BNIP1: variants seen among roughly 807,000 people sequenced by gnomAD.
The protein encoded by BNIP1 is BCL2 interacting protein 1, also known as vesicle transport protein SEC20.
BNIP1 carries 25 observed loss-of-function variants against 28.5 expected under a neutral mutation model. The observed-to-expected ratio is 0.88, with a 90% CI of 0.64 to 1.23. The LOEUF (loss-of-function observed/expected upper bound fraction) is 1.23. Ranked by LOEUF, BNIP1 falls within the 50% of genes most tolerant of loss-of-function variation. The pLI is 0.00. For missense variants in BNIP1, 276 were observed against 277.0 expected (o/e 1.00, Z 0.02); for synonymous variants, 118 against 101.7 (o/e 1.16, Z -0.96).
intron 2 of BNIP1, among the ~76,000 whole-genome samples, chr5:173,149,358 G>A (rs1005595842): frequency 6.6e-6 from 1 of 152,144 alleles, no homozygotes; most frequent in Non-Finnish European, 1.5e-5. Context: ...AGCTTGTGCA[G>A]GGAAACTCCT....
intron 2 of BNIP1, among the ~76,000 whole-genome samples, chr5:173,150,129 G>A (rs1257815191): frequency 1.3e-5 from 2 of 152,020 alleles, no homozygotes; most frequent in Admixed American, 6.6e-5. Flanking sequence ...ATGGTGACCC[G>A]TGCCTGTAAT....
In BNIP1 at chr5:173,146,613, T is replaced by G. The variant is rs370088647; in HGVS notation, c.85-253T>G. ...TAATGTTTTGTTAAAATTTAGGCAC[T>G]AAAAATTAGGTCAAAGCAGTTGTGT... is the stretch of plus-strand genomic sequence containing the variant. On this transcript the variant is annotated intron_variant, in intron 1 of 5. Coordinates refer to ENST00000351486, the MANE Select transcript of BNIP1 (RefSeq NM_001205.3). Among the ~76,000 whole-genome samples the G allele has an allele frequency of 3.9e-5, 6 of 152,344 alleles. No individual in the cohort carries two copies. The East Asian group carries it at 7.7e-4, about 20-fold the overall frequency.
At chr5:173,161,942 A>G (rs1264838636) in intron 5 of BNIP1, 1 of 152,210 alleles carries the variant, frequency 6.6e-6, no homozygotes, top group East Asian at 1.9e-4. Context: ...AGGCGTGGAG[A>G]AAGCAGGCGG....
At chr5:173,160,239 C>CTTTT (rs10693152) in intron 5 of BNIP1, among the ~76,000 whole-genome samples, 188 bp downstream of exon 5, 126 of 145,748 alleles carry the variant, frequency 8.6e-4, no homozygotes, top group Admixed American at 1.4e-3. Context: ...TCCTATTTCT[C>CTTTT]TTTTTTTTTT....
chr5:173,157,024 TG>T lies in BNIP1; in HGVS notation c.270-1717del, dbSNP rs1275592188. Among the ~76,000 whole-genome samples, 3 of 152,230 alleles carry T rather than the reference TG, an allele frequency of 2.0e-5. No homozygotes were observed. The East Asian group carries it at 5.8e-4, about 29-fold the overall frequency. ...AGTTGAAGCAGTAGTTGTGCTTGCT[TG>T]GGTCATCATGCTTGTCACACCATAC... On this transcript the variant is annotated intron_variant, in intron 3 of 5. Transcript: ENST00000351486.
intron 3 of BNIP1, among the ~76,000 whole-genome samples, chr5:173,154,816 C>T (rs1760135148): frequency 6.6e-6 from 1 of 152,100 alleles, no homozygotes; most frequent in Admixed American, 6.6e-5. Context: ...GCAACCACGC[C>T]CAGCCAATTG....
intron 2 of BNIP1, among the ~76,000 whole-genome samples, chr5:173,153,351 C>T (rs957217270): frequency 6.6e-6 from 1 of 151,948 alleles, no homozygotes; most frequent in Non-Finnish European, 1.5e-5. Context: ...CCTCAGCCTC[C>T]TGAGTAGCTG....
intron 3 of BNIP1, among the ~76,000 whole-genome samples, chr5:173,156,046 T>C (rs1275522214): frequency 6.6e-6 from 1 of 152,192 alleles, no homozygotes; most frequent in Non-Finnish European, 1.5e-5. Flanking sequence ...TATGTAACAG[T>C]CAGCTGTCAG....
intron 5 of BNIP1, chr5:173,160,827 C>T (rs2113861076): frequency 2.2e-6 from 1 of 456,218 alleles, no homozygotes; most frequent in South Asian, 1.5e-5. Context: ...CTATGAGTTC[C>T]TTTTAAAAGA....
chr5:173,154,470 G>T, intron 3 of BNIP1, 57 bp downstream of exon 3: 1 of 1,410,176 alleles, frequency 7.1e-7, no homozygotes, highest in Non-Finnish European at 9.9e-7. Context: ...TTGCCTGTGA[G>T]CCTTGCACGT....
chr5:173,163,142 C>G (rs1760410064), intron 5 of BNIP1, among the ~76,000 whole-genome samples: 1 of 152,166 alleles, frequency 6.6e-6, no homozygotes, highest in Non-Finnish European at 1.5e-5. Flanking sequence ...ACAGTGATTC[C>G]TTAAGGGACG....
intron 2 of BNIP1, among the ~76,000 whole-genome samples, chr5:173,151,125 G>A (rs376488485): frequency 1.6e-4 from 24 of 150,914 alleles, no homozygotes; most frequent in South Asian, 4.2e-4. Flanking sequence ...GTGAGCCACC[G>A]CGCCCGGTCA....
At chr5:173,157,767 C>T (rs1161270736) in intron 3 of BNIP1, among the ~76,000 whole-genome samples, 1 of 152,138 alleles carries the variant, frequency 6.6e-6, no homozygotes, top group Non-Finnish European at 1.5e-5. Context: ...CCGTTATCAC[C>T]CACAAGTTAG....
chr5:173,161,595 G>C (rs192142948), intron 5 of BNIP1: 4 of 152,338 alleles, frequency 2.6e-5, no homozygotes, highest in Non-Finnish European at 5.9e-5. Context: ...TTGAAGAAAA[G>C]AGAAGAATAC....
In BNIP1 at chr5:173,160,239, C is replaced by CTT. The variant is rs10693152; in HGVS notation, c.490+199_490+200dup. Among the ~76,000 whole-genome samples the CTT allele has an allele frequency of 5.5e-4, 80 of 145,714 alleles. 2 individuals are homozygous for CTT. Among genetic ancestry groups the CTT allele is most frequent in the Non-Finnish European group, 6.0e-4 (40 of 66,306 alleles). On this transcript the variant is annotated intron_variant, in intron 5 of 5. Transcript: ENST00000351486. ...TGTGGGATGTGCTGCTCCTATTTCT[C>CTT]TTTTTTTTTTTTGAGATGGAGTTTC...
chr5:173,158,056 A>G (rs1760254726), intron 3 of BNIP1, among the ~76,000 whole-genome samples: 1 of 151,256 alleles, frequency 6.6e-6, no homozygotes, highest in Admixed American at 6.6e-5. Context: ...CCTCCTGGGT[A>G]GCTGGAACCA....
chr5:173,145,550 C>T (rs544022850), intron 1 of BNIP1, among the ~76,000 whole-genome samples: 2 of 152,154 alleles, frequency 1.3e-5, no homozygotes, highest in East Asian at 1.9e-4. Context: ...TACAGGCACC[C>T]GCCACCACGC....
chr5:173,148,932 C>G (rs1214134330), intron 2 of BNIP1, among the ~76,000 whole-genome samples: 1 of 152,082 alleles, frequency 6.6e-6, no homozygotes, highest in Non-Finnish European at 1.5e-5. Context: ...GTCTTACGTT[C>G]TCCATTTTTA....
At chr5:173,149,593 G>C (rs1581070093) in intron 2 of BNIP1, among the ~76,000 whole-genome samples, 1 of 152,194 alleles carries the variant, frequency 6.6e-6, no homozygotes, top group South Asian at 2.1e-4. Context: ...TTTTGTATTA[G>C]GCCTTTCTTG....
Sources: allele counts gnomAD v4.1 joint callset (sites outside exome capture counted in the v4.1 genomes callset), GRCh38; gene constraint gnomAD v4.1.1; transcripts MANE v1.5; gene names NCBI Gene and HGNC (gene_info 2026-07-23, HGNC 2026-07-21).